Variants in TASP1 observed in about 807,000 individuals in gnomAD.
TASP1 encodes threonine aspartase 1.
In TASP1, 16 loss-of-function variants were observed where a neutral mutation model predicts 56.6. The ratio of observed to expected loss-of-function variants is 0.28; its 90% CI spans 0.19 to 0.43. The LOEUF (loss-of-function observed/expected upper bound fraction) is 0.43, where lower values mean the gene tolerates loss of function less well. Ranked by LOEUF, TASP1 falls within the 20% of genes least tolerant of loss-of-function variation. The pLI is 1.00. For synonymous variants in TASP1, 179 were observed against 184.2 expected, an observed-to-expected ratio of 0.97 and a Z score of 0.23; for missense variants, 393 against 511.6, an observed-to-expected ratio of 0.77 and a Z score of 2.24.
chr20:13,258,869 A>G, the TASP1 span, among the ~76,000 whole-genome samples: 1 of 152,136 alleles, frequency 6.6e-6, no homozygotes, highest in Non-Finnish European at 1.5e-5. Context: ...GTGGTTCTCC[A>G]TACTGGTTCC....
At chr20:13,436,641 A>C (rs1362760119) in intron 11 of TASP1, among the ~76,000 whole-genome samples, 2 of 152,186 alleles carry the variant, frequency 1.3e-5, no homozygotes, top group Non-Finnish European at 2.9e-5. Context: ...CACTGAAAAC[A>C]GGGAGCTGAG....
chr20:13,308,695 A>G, the TASP1 span, among the ~76,000 whole-genome samples: 8 of 152,228 alleles, frequency 5.3e-5, no homozygotes, highest in Non-Finnish European at 8.8e-5. Flanking sequence ...TCTGAAAAAG[A>G]AAATTACAGA....
Position 13,515,477 on chromosome 20 carries a change from C to T in TASP1, c.874+12956G>A, listed in dbSNP as rs540196433. 6.2e-4 allele frequency among the ~76,000 whole-genome samples: 93 copies of T among 150,932 alleles called. 2 individuals carry two copies. In the South Asian group the frequency reaches 0.018, roughly 29 times the overall value. ...TGGGAGCTTGCGAAAATGTAGAATC[C>T]CAAGACTCATCCCAGACCCACTGGA... On this transcript the variant is annotated intron_variant, in intron 10 of 13. Transcript: ENST00000337743.
At chr20:13,260,891 A>C in the TASP1 span, among the ~76,000 whole-genome samples, 2 of 152,212 alleles carry the variant, frequency 1.3e-5, no homozygotes, top group East Asian at 3.9e-4. Context: ...AGGCTCAGCC[A>C]GGGCTGGATG....
chr20:13,476,997 C>T (rs2042971185), intron 11 of TASP1, among the ~76,000 whole-genome samples: 2 of 152,064 alleles, frequency 1.3e-5, no homozygotes, highest in Admixed American at 1.3e-4. Flanking sequence ...TATAAAAACA[C>T]AATGCCCTGG....
the TASP1 span, among the ~76,000 whole-genome samples, chr20:13,375,547 T>C: frequency 6.6e-6 from 1 of 152,212 alleles, no homozygotes; most frequent in African/African-American, 2.4e-5. Context: ...TAAACATATG[T>C]GTGCATATGT....
chr20:13,332,205 A>T, the TASP1 span, among the ~76,000 whole-genome samples: 1 of 152,186 alleles, frequency 6.6e-6, no homozygotes, highest in African/African-American at 2.4e-5. Context: ...GTCTATTAAG[A>T]TCCATACATG....
At chr20:13,326,419 T>C in the TASP1 span, among the ~76,000 whole-genome samples, 1 of 152,200 alleles carries the variant, frequency 6.6e-6, no homozygotes, top group African/African-American at 2.4e-5. Context: ...AGTATATGTA[T>C]ATATTCGATT....
At chr20:13,548,500 A>G (rs935292847) in intron 8 of TASP1, among the ~76,000 whole-genome samples, 1 of 152,144 alleles carries the variant, frequency 6.6e-6, no homozygotes, top group Non-Finnish European at 1.5e-5. Flanking sequence ...CCTTCATTAA[A>G]TAGCTGCTAA....
chr20:13,228,900 G>T, the TASP1 span, among the ~76,000 whole-genome samples: 2 of 152,030 alleles, frequency 1.3e-5, no homozygotes, highest in African/African-American at 4.8e-5. Flanking sequence ...TTCAACCCCA[G>T]TGTCTTGTTT....
chr20:13,484,984 G>A (rs1245645167), intron 10 of TASP1, among the ~76,000 whole-genome samples: 1 of 152,140 alleles, frequency 6.6e-6, no homozygotes, highest in Non-Finnish European at 1.5e-5. Context: ...CTGTCAGGAG[G>A]TGGGGGGCAA....
At chr20:13,348,594 A>C in the TASP1 span, among the ~76,000 whole-genome samples, 2 of 152,204 alleles carry the variant, frequency 1.3e-5, no homozygotes, top group Non-Finnish European at 2.9e-5. Flanking sequence ...CTCAAATGGT[A>C]TGAATTTTTA....
chr20:13,458,986 T>C lies in TASP1; in HGVS notation c.986-23832A>G, dbSNP rs115742800. 6.9e-3 allele frequency among the ~76,000 whole-genome samples: 1,051 copies of C among 152,294 alleles called. 15 individuals carry two copies. Among genetic ancestry groups the C allele is most frequent in the African/African-American group, 0.024 (999 of 41,566 alleles). On this transcript the variant is annotated intron_variant, in intron 11 of 13. Transcript: ENST00000337743. The stretch of plus-strand genomic sequence containing the variant: ...ATGCCTGAACAAGGATAGTGTCTTC[T>C]ACTAAAACCAGATTGGGATTTCATG...
intron 11 of TASP1, among the ~76,000 whole-genome samples, chr20:13,477,361 G>A (rs563971278): frequency 3.4e-4 from 52 of 152,024 alleles, no homozygotes; most frequent in African/African-American, 1.2e-3. Context: ...AAGATTGTAG[G>A]TTTATAAGAC....
At chr20:13,267,788 C>T in the TASP1 span, among the ~76,000 whole-genome samples, 1 of 152,200 alleles carries the variant, frequency 6.6e-6, no homozygotes, top group East Asian at 1.9e-4. Context: ...ACTCCATTCA[C>T]AGGGGAAAGG....
At chr20:13,621,274 T>C (rs1378419854) in intron 4 of TASP1, among the ~76,000 whole-genome samples, 1 of 150,242 alleles carries the variant, frequency 6.7e-6, no homozygotes, top group African/African-American at 2.5e-5. Context: ...AAAAAAAAAA[T>C]ACAAAAATTA....
At chr20:13,612,657 C>T (rs1463892841) in intron 4 of TASP1, among the ~76,000 whole-genome samples, 6 of 151,958 alleles carry the variant, frequency 3.9e-5, no homozygotes, top group African/African-American at 1.5e-4. Flanking sequence ...AGATAACCAG[C>T]CCCCACATAG....
chr20:13,335,371 C>A, the TASP1 span, among the ~76,000 whole-genome samples: 4 of 151,596 alleles, frequency 2.6e-5, no homozygotes, highest in Non-Finnish European at 5.9e-5. Flanking sequence ...CAAACACACA[C>A]CCTGGCAGGA....
the TASP1 span, chr20:13,280,003 G>A: frequency 5.1e-6 from 6 of 1,176,144 alleles, no homozygotes; most frequent in African/African-American, 4.6e-5. Context: ...GTGGCTTTTG[G>A]TCTTCTGTGA....
Sources: allele counts gnomAD v4.1 joint callset (sites outside exome capture counted in the v4.1 genomes callset), GRCh38; gene constraint gnomAD v4.1.1; transcripts MANE v1.5; gene names NCBI Gene and HGNC (gene_info 2026-07-23, HGNC 2026-07-21).